R3HDM1: variants seen among roughly 807,000 people sequenced by gnomAD.
The protein encoded by R3HDM1 is R3H domain containing 1, also known as R3H domain-containing protein 1.
R3HDM1 carries 46 observed loss-of-function variants against 141.1 expected under a neutral mutation model. The observed-to-expected ratio is 0.33, with a 90% CI of 0.26 to 0.42. The LOEUF (loss-of-function observed/expected upper bound fraction) is 0.42, where lower values mean the gene tolerates loss of function less well. Ranked by LOEUF, R3HDM1 falls within the 10% of genes least tolerant of loss-of-function variation. The pLI, the probability that R3HDM1 is intolerant of heterozygous loss-of-function variation, is 1.00. For synonymous variants in R3HDM1, 435 were observed against 472.9 expected (o/e 0.92, Z 1.04); for missense variants, 1,184 against 1,368.3 (o/e 0.87, Z 2.12).
intron 1 of R3HDM1, among the ~76,000 whole-genome samples, chr2:135,535,303 A>G (rs1695826371): frequency 6.6e-6 from 1 of 152,158 alleles, no homozygotes; most frequent in Non-Finnish European, 1.5e-5. Context: ...GTTCGAGACC[A>G]GCCTGGCCAG....
chr2:135,656,049 A>G (rs1401569043), intron 18 of R3HDM1, among the ~76,000 whole-genome samples: 1 of 152,134 alleles, frequency 6.6e-6, no homozygotes, highest in Non-Finnish European at 1.5e-5. Context: ...GGATTTGTCC[A>G]TCTCCCTTTT....
chr2:135,534,872 C>T (rs983302734), intron 1 of R3HDM1, among the ~76,000 whole-genome samples: 1 of 152,038 alleles, frequency 6.6e-6, no homozygotes, highest in East Asian at 1.9e-4. Flanking sequence ...TAATTACATC[C>T]ATTTGAGTTA....
intron 7 of R3HDM1, among the ~76,000 whole-genome samples, chr2:135,630,037 C>T (rs1217923740): frequency 6.7e-6 from 1 of 148,698 alleles, no homozygotes; most frequent in Non-Finnish European, 1.5e-5. Flanking sequence ...TGTATTGGAG[C>T]ATTTGAAAAA....
chr2:135,712,362 C>T (rs561653631), intron 23 of R3HDM1, among the ~76,000 whole-genome samples: 17 of 151,380 alleles, frequency 1.1e-4, no homozygotes, highest in Non-Finnish European at 2.1e-4. Flanking sequence ...CTCCTGGGCT[C>T]AAGCCATCCT....
intron 22 of R3HDM1, 93 bp downstream of exon 22, chr2:135,709,629 T>G (rs1341283671): frequency 6.9e-7 from 1 of 1,451,812 alleles, no homozygotes; most frequent in Non-Finnish European, 9.4e-7. Flanking sequence ...GCTTCTCAAT[T>G]TGTGATGTGC....
At chr2:135,626,979 A>G (rs2062113715) in intron 7 of R3HDM1, among the ~76,000 whole-genome samples, 1 of 152,122 alleles carries the variant, frequency 6.6e-6, no homozygotes, top group South Asian at 2.1e-4. Context: ...ATATTGTAGC[A>G]TGTACCTTTT....
rs1471613578 is a variant in R3HDM1, at chr2:135,646,356, C to T, written c.1623+829C>T. Among the ~76,000 whole-genome samples, 5 of 151,148 alleles carry T rather than the reference C, an allele frequency of 3.3e-5. No homozygotes were observed. The East Asian group carries it at 1.0e-3, about 30-fold the overall frequency. Reference sequence around the variant, plus strand: ...TTCACCATGTTAGTCAGGATGGTCTCGATCTCCTGACCTCGTGATCCACCC... The same window carrying T: ...TTCACCATGTTAGTCAGGATGGTCTTGATCTCCTGACCTCGTGATCCACCC... On this transcript the variant is annotated intron_variant, in intron 16 of 26. Transcript: ENST00000683871.
intron 20 of R3HDM1, among the ~76,000 whole-genome samples, chr2:135,677,121 G>A (rs373300463): frequency 4.6e-5 from 7 of 152,204 alleles, no homozygotes; most frequent in African/African-American, 1.4e-4. Flanking sequence ...AAGGATATAA[G>A]CAAAGGTGCA....
chr2:135,594,384 A>G (rs1245589593), intron 1 of R3HDM1, among the ~76,000 whole-genome samples: 1 of 152,224 alleles, frequency 6.6e-6, no homozygotes, highest in Non-Finnish European at 1.5e-5. Context: ...TATATAGCCA[A>G]GTAGCATCTG....
chr2:135,709,032 A>C (rs2075298324), intron 21 of R3HDM1, among the ~76,000 whole-genome samples: 2 of 151,264 alleles, frequency 1.3e-5, no homozygotes, highest in African/African-American at 4.8e-5. Context: ...AATAGCCTTT[A>C]ATTTTTGTCA....
chr2:135,594,979 C>CG (rs369315051), intron 1 of R3HDM1, among the ~76,000 whole-genome samples: 1 of 148,394 alleles, frequency 6.7e-6, no homozygotes, highest in Non-Finnish European at 1.5e-5. Context: ...GATTCTACAC[C>CG]CCCCCCCCTT....
At chr2:135,544,731 C>T (rs1467617038) in intron 1 of R3HDM1, among the ~76,000 whole-genome samples, 1 of 152,098 alleles carries the variant, frequency 6.6e-6, no homozygotes, top group African/African-American at 2.4e-5. Flanking sequence ...GAGGCTGAGG[C>T]GGGCAGAATA....
intron 21 of R3HDM1, among the ~76,000 whole-genome samples, chr2:135,696,207 G>A (rs1004122609): frequency 9.2e-5 from 14 of 152,018 alleles, no homozygotes; most frequent in Admixed American, 5.2e-4. Flanking sequence ...TATCCTGAGC[G>A]AAAAAAGAAA....
At chr2:135,546,213 T>C (rs1259443707) in intron 1 of R3HDM1, among the ~76,000 whole-genome samples, 1 of 152,242 alleles carries the variant, frequency 6.6e-6, no homozygotes, top group Non-Finnish European at 1.5e-5. Context: ...ATTTTTGTTC[T>C]GTTCTCTTTT....
At chr2:135,654,223 C>T (rs1229836747) in intron 18 of R3HDM1, among the ~76,000 whole-genome samples, 2 of 151,936 alleles carry the variant, frequency 1.3e-5, no homozygotes, top group Non-Finnish European at 2.9e-5. Context: ...AATCAGGCAA[C>T]ATGTTACCTT....
intron 1 of R3HDM1, chr2:135,577,056 A>C: frequency 1.1e-6 from 1 of 903,106 alleles, no homozygotes; most frequent in Middle Eastern, 5.7e-4. Flanking sequence ...AAAAAAAAAA[A>C]CCTCCAAACA....
At chr2:135,682,922 G>A (rs957503836) in intron 21 of R3HDM1, among the ~76,000 whole-genome samples, 19 of 152,064 alleles carry the variant, frequency 1.2e-4, no homozygotes, top group Admixed American at 6.5e-5. Context: ...GCTTGAACCT[G>A]GGAGGCAGAG....
intron 19 of R3HDM1, among the ~76,000 whole-genome samples, chr2:135,672,923 T>C (rs1174396496): frequency 6.6e-6 from 1 of 152,098 alleles, no homozygotes; most frequent in Admixed American, 6.6e-5. Context: ...CTGTCCAACA[T>C]GGTGAAACCC....
intron 21 of R3HDM1, among the ~76,000 whole-genome samples, chr2:135,696,437 TTATG>T (rs936607521): frequency 3.9e-4 from 60 of 152,240 alleles, no homozygotes; most frequent in African/African-American, 1.3e-3. Flanking sequence ...ATTATATACT[TTATG>T]TGTGGTTTAT....
Sources: gnomAD v4.1 joint callset for allele counts (sites outside exome capture counted in the v4.1 genomes callset) on GRCh38, gnomAD v4.1.1 for gene constraint, MANE v1.5 for transcripts, NCBI Gene and HGNC (gene_info 2026-07-23, HGNC 2026-07-21) for gene names.